Variants in FAM177A1 observed in about 807,000 individuals in gnomAD.
The protein encoded by FAM177A1 is protein FAM177A1.
A neutral mutation model predicts 26.1 loss-of-function variants in FAM177A1; 22 were observed. The observed-to-expected ratio is 0.84, with a 90% confidence interval of 0.60 to 1.20. The LOEUF is 1.20. FAM177A1 is among the 50% of genes most tolerant of loss of function. FAM177A1 has a pLI of 0.00. For synonymous variants in FAM177A1, 95 were observed against 99.3 expected (o/e 0.96, Z 0.26); for missense variants, 296 against 291.1 (o/e 1.02, Z -0.12).
chr14:35,060,352 T>C (rs1003910431), intron 2 of FAM177A1, among the ~76,000 whole-genome samples: 1 of 152,170 alleles, frequency 6.6e-6, no homozygotes, highest in African/African-American at 2.4e-5. Context: ...CTGTTATACC[T>C]TCCTTTATTT....
intron 2 of FAM177A1, among the ~76,000 whole-genome samples, chr14:35,070,327 A>G (rs1184917397): frequency 2.0e-5 from 3 of 146,504 alleles, no homozygotes; most frequent in Non-Finnish European, 3.0e-5. Context: ...TCCGGCCTAT[A>G]ACAATATTTT....
intron 1 of FAM177A1, chr14:35,050,945 G>A (rs923432308): frequency 4.6e-5 from 7 of 152,146 alleles, no homozygotes; most frequent in Non-Finnish European, 8.8e-5. Flanking sequence ...GAAGAAAAGT[G>A]TCCTGGGTTA....
At chr14:35,053,666 A>T (rs1250139601) in intron 2 of FAM177A1, among the ~76,000 whole-genome samples, 2 of 152,142 alleles carry the variant, frequency 1.3e-5, no homozygotes, top group Non-Finnish European at 2.9e-5. Flanking sequence ...CTTGTTTTTC[A>T]GTGTCAGAGT....
chr14:35,046,906 A>C, intron 1 of FAM177A1: 1 of 1,239,980 alleles, frequency 8.1e-7, no homozygotes, highest in African/African-American at 1.6e-5. Flanking sequence ...CCAGAGGAAG[A>C]AGAAAGGCGT....
At chr14:35,048,075 A>T (rs923723699) in intron 1 of FAM177A1, among the ~76,000 whole-genome samples, 3 of 152,194 alleles carry the variant, frequency 2.0e-5, no homozygotes. Context: ...TATATGGAAT[A>T]CGTTTTTTCC....
chr14:35,080,568 A>G (rs188387293), intron 4 of FAM177A1, among the ~76,000 whole-genome samples: 1 of 152,294 alleles, frequency 6.6e-6, no homozygotes, highest in East Asian at 1.9e-4. Flanking sequence ...TGGGAGGCCG[A>G]GGTGGGTGGA....
intron 1 of FAM177A1, among the ~76,000 whole-genome samples, chr14:35,052,866 G>C (rs996287083): frequency 3.3e-5 from 5 of 152,088 alleles, no homozygotes; most frequent in African/African-American, 1.2e-4. Flanking sequence ...AGATTGCAGT[G>C]AGCCGTGATT....
intron 2 of FAM177A1, among the ~76,000 whole-genome samples, chr14:35,069,497 C>G (rs1390949552): frequency 6.6e-6 from 1 of 151,964 alleles, no homozygotes; most frequent in Admixed American, 6.6e-5. Flanking sequence ...GTTGGTCAGG[C>G]TGGTCTCGAA....
chr14:35,078,859 T>TTG (rs2045435815), intron 3 of FAM177A1, 68 bp from the exon 4 acceptor site: 3 of 1,114,880 alleles, frequency 2.7e-6, no homozygotes, highest in Non-Finnish European at 3.7e-6. Flanking sequence ...CTACAGTGTC[T>TTG]TACACATAGA....
At position 35,079,007 on chromosome 14, in the gene FAM177A1, T is replaced by C; in HGVS notation, c.487T>C (p.Tyr163His). Residue 163 changes from tyrosine (Y) to histidine (H), a missense_variant, in exon 4 of 5, where the codon TAT (tyrosine) becomes CAT (histidine). Transcript: ENST00000280987. ...PKYQYAIDEY[Y>H]RMKKEEEEEE... Reference sequence around the variant, plus strand: ...GTACCAATATGCCATTGATGAATATTATCGGATGAAGAAGGAGGTATGCCT... The same window carrying C: ...GTACCAATATGCCATTGATGAATATCATCGGATGAAGAAGGAGGTATGCCT... 6.4e-7 allele frequency: 1 copy of C among 1,557,274 alleles called. No homozygotes were observed. Among genetic ancestry groups the C allele is most frequent in the Non-Finnish European group, 8.6e-7 (1 of 1,162,192 alleles).
intron 2 of FAM177A1, among the ~76,000 whole-genome samples, chr14:35,067,662 C>G (rs1429094625): frequency 6.6e-6 from 1 of 152,164 alleles, no homozygotes; most frequent in Non-Finnish European, 1.5e-5. Context: ...CCTGGGTTCC[C>G]TTTTCTCTAC....
At chr14:35,072,676 T>C (rs575179962) in intron 2 of FAM177A1, among the ~76,000 whole-genome samples, 1 of 152,196 alleles carries the variant, frequency 6.6e-6, no homozygotes, top group Non-Finnish European at 1.5e-5. Flanking sequence ...TCTGCCAGAT[T>C]GTCTAATGTC....
chr14:35,063,159 C>CAAAAAA (rs1247353359), intron 2 of FAM177A1, among the ~76,000 whole-genome samples: 1 of 57,864 alleles, frequency 1.7e-5, no homozygotes, highest in Non-Finnish European at 3.5e-5. Flanking sequence ...GACTCCATCT[C>CAAAAAA]AAAAAAAAAA....
chr14:35,065,256 C>G (rs1375459758), intron 2 of FAM177A1, among the ~76,000 whole-genome samples: 1 of 151,112 alleles, frequency 6.6e-6, no homozygotes, highest in Non-Finnish European at 1.5e-5. Context: ...TCACTGCAAG[C>G]TCTGCCTTGG....
rs533124522 is a variant in FAM177A1 at position 35,048,107 on chromosome 14, CA to C, written c.165+1480del. Among the ~76,000 whole-genome samples the C allele has an allele frequency of 3.9e-3, 591 of 152,254 alleles. 6 individuals are homozygous for C. The highest frequency in any genetic ancestry group is 0.014 in the African/African-American group (574 of 41,554). ...TTCCCTCCTACTTAAGAAGGGGATTCAGGGGACAACATGAATTGATAAGGAA... is the reference window on the plus strand; with the variant it reads ...TTCCCTCCTACTTAAGAAGGGGATTCGGGGACAACATGAATTGATAAGGAA... On this transcript the variant is annotated intron_variant, in intron 1 of 4. Coordinates refer to ENST00000280987, the MANE Select transcript of FAM177A1 (RefSeq NM_173607.5).
At chr14:35,064,592 A>G (rs2045211540) in intron 2 of FAM177A1, among the ~76,000 whole-genome samples, 1 of 152,156 alleles carries the variant, frequency 6.6e-6, no homozygotes, top group Admixed American at 6.6e-5. Flanking sequence ...ATGTTGACTA[A>G]ATTAACCGAG....
intron 1 of FAM177A1, 73 bp from the exon 2 acceptor site, chr14:35,053,205 A>T: frequency 7.1e-7 from 1 of 1,409,758 alleles, no homozygotes; most frequent in East Asian, 2.3e-5. Context: ...AAACCTACCA[A>T]AAGTTTTTCA....
Position 35,081,114 on chromosome 14 carries a change from A to G in FAM177A1, c.597A>G (p.Thr199=). 1 of 1,613,856 alleles carries G rather than the reference A, an allele frequency of 6.2e-7. No individual in the cohort carries two copies. The part of the protein sequence containing the change: ...NKLQTDSIVQ[T]DQPETVISSS... The stretch of plus-strand genomic sequence containing the variant: ...TGCAGACTGATTCCATTGTTCAGAC[A>G]GATCAACCAGAGACAGTGATATCCA... Residue 199 remains threonine, a synonymous_variant, in exon 5 of 5, where the codon ACA becomes ACG. Transcript: ENST00000280987.
chr14:35,081,260 A>G lies in FAM177A1; in HGVS notation c.*32A>G, dbSNP rs1595061401. 1 of 1,132,422 alleles carries G rather than the reference A, an allele frequency of 8.8e-7. No individual in the cohort carries two copies. The highest frequency in any genetic ancestry group is 2.2e-5 in the African/African-American group (1 of 45,016). The allele number at this position is 1,132,422 out of a possible 1,614,324, so 70.1% of individuals were successfully genotyped here. A position where few individuals can be genotyped will look rare whatever the true frequency, so the allele number is the denominator to read the frequency against. On this transcript the variant is annotated 3_prime_UTR_variant, in exon 5 of 5. Coordinates refer to ENST00000280987, the MANE Select transcript of FAM177A1 (RefSeq NM_173607.5). ...ATGACTATCAAGCTTCAAACTCTTA[A>G]GTTTTTTTTTTTTAATACAAAAACT...
Sources: gnomAD v4.1 joint callset for allele counts (sites outside exome capture counted in the v4.1 genomes callset) on GRCh38, gnomAD v4.1.1 for gene constraint, MANE v1.5 for transcripts, NCBI Gene and HGNC (gene_info 2026-07-23, HGNC 2026-07-21) for gene names.